The following RAD23A variants were observed in gnomAD, a reference collection of about 807,000 sequenced individuals.
The protein encoded by RAD23A is lysine-specific demethylase RAD23A.
Under a neutral mutation model 44.8 loss-of-function variants are expected in RAD23A, and 16 were observed. The observed-to-expected ratio is 0.36, with a 90% CI of 0.24 to 0.54. The LOEUF is 0.54. RAD23A is among the 20% of genes least tolerant of loss of function. The probability of loss-of-function intolerance (pLI) is 0.89; values close to 1 mark genes in which losing one functional copy is unlikely to be tolerated. For synonymous variants in RAD23A, 217 were observed against 202.9 expected (o/e 1.07, Z -0.59); for missense variants, 380 against 483.3 (o/e 0.79, Z 2.00).
At chr19:12,950,891 T>C (rs1376096710) in intron 7 of RAD23A, among the ~76,000 whole-genome samples, 1 of 152,054 alleles carries the variant, frequency 6.6e-6, no homozygotes, top group Non-Finnish European at 1.5e-5. Context: ...TGGCAAAAAC[T>C]CGTCTCTACT....
At position 12,953,202 on chromosome 19, in the gene RAD23A, C is replaced by A; in HGVS notation, c.*153C>A. ...ACAAGCAAACAGTCCAGCTTCCTGT[C>A]CTCCTAAAGTGGCCCCTGTTCCCAT... On this transcript the variant is annotated 3_prime_UTR_variant, in exon 9 of 9. Transcript: ENST00000586534. The A allele has an allele frequency of 1.8e-6, 1 of 563,002 alleles. No individual in the cohort carries two copies. Among genetic ancestry groups the A allele is most frequent in the Admixed American group, 3.7e-5 (1 of 27,198 alleles). 34.9% of individuals were successfully genotyped at this position (563,002 alleles called of 1,614,324 possible). A position where few individuals can be genotyped will look rare whatever the true frequency, so the allele number is the denominator to read the frequency against.
At position 12,949,364 on chromosome 19, in the gene RAD23A, G is replaced by T. The variant is rs750711569; in HGVS notation, c.769G>T (p.Ala257Ser). The T allele has an allele frequency of 1.2e-6, 2 of 1,614,030 alleles. No homozygotes were observed. The highest frequency in any genetic ancestry group is 1.7e-6 in the Non-Finnish European group (2 of 1,179,916). The stretch of plus-strand genomic sequence containing the variant: ...TCAGCAGAACCCTGCGCTGCTGCCC[G>T]CCCTGCTCCAGCAGCTGGGCCAGGA... The part of the protein sequence containing the change: ...VIQQNPALLP[A>S]LLQQLGQENP... The change falls in exon 7 of 9, where the codon GCC becomes TCC. Residue 257 changes from alanine (A) to serine (S), a missense_variant. Physicochemically the swap from Ala to Ser is moderately conservative, Grantham distance 99. Transcript: ENST00000586534.
At chr19:12,947,445 A>C (rs909497863) in intron 1 of RAD23A, among the ~76,000 whole-genome samples, 1 of 152,202 alleles carries the variant, frequency 6.6e-6, no homozygotes, top group African/African-American at 2.4e-5. Context: ...AAATATCACT[A>C]TTAACTATTA....
rs1170061503 is a variant in RAD23A at position 12,948,138 on chromosome 19, G to C, written c.235-39G>C. The C allele has an allele frequency of 1.2e-6, 2 of 1,613,128 alleles. No homozygotes were observed. Among genetic ancestry groups the C allele is most frequent in the East Asian group, 2.2e-5 (1 of 44,872 alleles). ...GCGGAGCGGGTTGTTGGGTCTGATAGGGTTGCTGATGCCAGCTCCCTTTTT... is the reference window on the plus strand; with the variant it reads ...GCGGAGCGGGTTGTTGGGTCTGATACGGTTGCTGATGCCAGCTCCCTTTTT... On this transcript the variant is annotated intron_variant, in intron 2 of 8. Coordinates refer to ENST00000586534, the MANE Select transcript of RAD23A (RefSeq NM_005053.4). This position sits in a 1 kb window ranked among gnomAD's most constrained non-coding sequence, Gnocchi z 5.5.
In RAD23A at chr19:12,952,389, A is replaced by T. The variant is rs1971837164; in HGVS notation, c.814-300A>T. The T allele has an allele frequency of 1.9e-5, 5 of 269,230 alleles. No homozygotes were observed. In the South Asian group the frequency reaches 2.6e-4, roughly 14 times the overall value. 16.7% of individuals were successfully genotyped at this position (269,230 alleles called of 1,614,324 possible). A position where few individuals can be genotyped will look rare whatever the true frequency, so the allele number is the denominator to read the frequency against. ...GTATTCTTAGTAGAGATGGGGGTTC[A>T]CCATGTTGGCCAGGCTGGACTCGAA... On this transcript the variant is annotated intron_variant, in intron 7 of 8. Transcript: ENST00000586534.
In RAD23A at chr19:12,948,678, C is replaced by T. The variant is rs1481003118; in HGVS notation, c.473-8C>T. ...CTGGTGACCTAGGCTTTGCTGCTTCCTCCACAGTGACGGGCTCTGAGTATG... is the reference window on the plus strand; with the variant it reads ...CTGGTGACCTAGGCTTTGCTGCTTCTTCCACAGTGACGGGCTCTGAGTATG... On this transcript the variant is annotated splice_region_variant and splice_polypyrimidine_tract_variant and intron_variant, in intron 4 of 8. Coordinates refer to ENST00000586534, the MANE Select transcript of RAD23A (RefSeq NM_005053.4). The surrounding 1 kb of genome is among the most constrained non-coding windows in gnomAD (Gnocchi z 5.5). The T allele has an allele frequency of 6.2e-7, 1 of 1,609,988 alleles. No homozygotes were observed. The highest frequency in any genetic ancestry group is 1.7e-5 in the Admixed American group (1 of 59,270).
Position 12,948,393 on chromosome 19 carries a change from G to C in RAD23A, c.416+35G>C. The stretch of plus-strand genomic sequence containing the variant: ...GGGCAGCAGTCCCAGCTTGGGCCCT[G>C]TCCTCCTAGCACATTCCAGCGTCCA... On this transcript the variant is annotated intron_variant, in intron 3 of 8. Coordinates refer to ENST00000586534, the MANE Select transcript of RAD23A (RefSeq NM_005053.4). The surrounding 1 kb of genome is among the most constrained non-coding windows in gnomAD (Gnocchi z 5.5). The C allele has an allele frequency of 6.4e-7, 1 of 1,555,148 alleles. No individual in the cohort carries two copies. Among genetic ancestry groups the C allele is most frequent in the Non-Finnish European group, 8.7e-7 (1 of 1,149,370 alleles).
Position 12,953,217 on chromosome 19 carries a change from CCT to C in RAD23A, c.*169_*170del, listed in dbSNP as rs1039726753. 1.6e-5 allele frequency: 8 copies of C among 494,164 alleles called. No homozygotes were observed. The East Asian group carries it at 1.7e-4, about 11-fold the overall frequency. The allele number at this position is 494,164 out of a possible 1,614,324, so 30.6% of individuals were successfully genotyped here. Reference sequence around the variant, plus strand: ...AGCTTCCTGTCCTCCTAAAGTGGCCCCTGTTCCCATCTCCCGGGCCAGACAGC... The same window carrying C: ...AGCTTCCTGTCCTCCTAAAGTGGCCCGTTCCCATCTCCCGGGCCAGACAGC... On this transcript the variant is annotated 3_prime_UTR_variant, in exon 9 of 9. Coordinates refer to ENST00000586534, the MANE Select transcript of RAD23A (RefSeq NM_005053.4).
intron 7 of RAD23A, among the ~76,000 whole-genome samples, chr19:12,951,238 A>T (rs1971803234): frequency 6.6e-6 from 1 of 151,336 alleles, no homozygotes; most frequent in Non-Finnish European, 1.5e-5. Context: ...TTGCCTCCCA[A>T]ATTGTTGAGG....
chr19:12,948,733 G>C lies in RAD23A; in HGVS notation c.520G>C (p.Gly174Arg). ...GATGCTGACGGAGATCATGTCCATG[G>C]GCTATGAGCGAGAGCGGGTCGTGGC... Reference protein sequence around the residue: ...ETMLTEIMSMGYERERVVAAL... With the variant: ...ETMLTEIMSMRYERERVVAAL... The change falls in exon 5 of 9, where the codon GGC becomes CGC. Residue 174 changes from glycine (G) to arginine (R), a missense_variant. Gly to Arg is a moderately radical substitution (Grantham distance 125). Coordinates refer to ENST00000586534, the MANE Select transcript of RAD23A (RefSeq NM_005053.4). The surrounding 1 kb of genome is among the most constrained non-coding windows in gnomAD (Gnocchi z 5.5). The C allele has an allele frequency of 6.2e-7, 1 of 1,613,706 alleles. No individual in the cohort carries two copies.
intron 1 of RAD23A, 64 bp downstream of exon 1, chr19:12,946,084 G>GGGGGGGGGGGGGGGGGGGGC: frequency 1.4e-5 from 7 of 512,138 alleles, no homozygotes; most frequent in East Asian, 5.5e-5. Flanking sequence ...TGGGGGCGGG[G>GGGGGGGGGGGGGGGGGGGGC]AGGCTAGAAT....
Position 12,946,981 on chromosome 19 carries a change from C to G in RAD23A, c.73-867C>G, listed in dbSNP as rs543858188. ...CTTAGGGAGGCAGAGGGAAGAGGAG[C>G]CCTTGAGCCTAGGAATTCGAGATCA... On this transcript the variant is annotated intron_variant, in intron 1 of 8. Coordinates refer to ENST00000586534, the MANE Select transcript of RAD23A (RefSeq NM_005053.4). Among the ~76,000 whole-genome samples, 188 of 152,204 alleles carry G rather than the reference C, an allele frequency of 1.2e-3. 2 individuals carry two copies. The highest frequency in any genetic ancestry group is 4.3e-3 in the African/African-American group (179 of 41,536).
intron 1 of RAD23A, 49 bp downstream of exon 1, chr19:12,946,069 T>TGGGGGGGGGGGGGGGGGGG: frequency 5.8e-6 from 1 of 171,598 alleles, no homozygotes; most frequent in African/African-American, 9.2e-5. Context: ...GTTTCGGGGG[T>TGGGGGGGGGGGGGGGGGGG]GGGGTGGGGG....
rs371116567 is a variant in RAD23A at position 12,953,150 on chromosome 19, GA to G, written c.*110del. The G allele has an allele frequency of 7.3e-4, 579 of 791,854 alleles. 4 individuals are homozygous for G. In the African/African-American group the frequency reaches 8.1e-3, roughly 11 times the overall value. The allele number at this position is 791,854 out of a possible 1,614,324, so 49.1% of individuals were successfully genotyped here. ...TATATTCATGTTTATTTAAGAAATG[GA>G]AAAAAAAATCAAAAATCTTAAAAAA... On this transcript the variant is annotated 3_prime_UTR_variant, in exon 9 of 9. Transcript: ENST00000586534.
In RAD23A at chr19:12,948,757, G is replaced by T; in HGVS notation, c.544G>T (p.Ala182Ser). 1 of 1,613,516 alleles carries T rather than the reference G, an allele frequency of 6.2e-7. No individual in the cohort carries two copies. Among genetic ancestry groups the T allele is most frequent in the South Asian group, 1.1e-5 (1 of 91,076 alleles). ...SMGYERERVV[A>S]ALRASYNNPH... ...GGGCTATGAGCGAGAGCGGGTCGTG[G>T]CCGCCCTGAGAGCCAGCTACAACAA... is the stretch of plus-strand genomic sequence containing the variant. Residue 182 changes from alanine (A) to serine (S), a missense_variant, in exon 5 of 9, where the codon GCC becomes TCC. By Grantham distance (99) the Ala-to-Ser change is moderately conservative. Around this residue, in one of 3 missense-constraint regions of RAD23A, gnomAD observed 279 missense variants for 313.7 expected, o/e 0.89. Transcript: ENST00000586534. The surrounding 1 kb of genome is among the most constrained non-coding windows in gnomAD (Gnocchi z 5.5).
chr19:12,949,374 A>G lies in RAD23A; in HGVS notation c.779A>G (p.Gln260Arg), dbSNP rs758684522. 1 of 1,614,010 alleles carries G rather than the reference A, an allele frequency of 6.2e-7. No homozygotes were observed. The highest frequency in any genetic ancestry group is 8.5e-7 in the Non-Finnish European group (1 of 1,179,876). Residue 260 changes from glutamine (Q) to arginine (R), a missense_variant, in exon 7 of 9, where the codon CAG becomes CGG. Transcript: ENST00000586534. ...QNPALLPALL[Q>R]QLGQENPQLL... The stretch of plus-strand genomic sequence containing the variant: ...CCTGCGCTGCTGCCCGCCCTGCTCC[A>G]GCAGCTGGGCCAGGAGAACCCTCAG...
intron 7 of RAD23A, among the ~76,000 whole-genome samples, chr19:12,951,347 CT>C (rs1486029777): frequency 2.0e-5 from 3 of 152,226 alleles, no homozygotes; most frequent in Non-Finnish European, 4.4e-5. Context: ...TGGCTTCCCC[CT>C]GCTCTAGAAA....
In RAD23A at chr19:12,948,263, C is replaced by T. The variant is rs201616818; in HGVS notation, c.321C>T (p.Pro107=). Residue 107 remains proline (P), a synonymous_variant, in exon 3 of 9, where the codon CCC becomes CCT. Coordinates refer to ENST00000586534, the MANE Select transcript of RAD23A (RefSeq NM_005053.4). This position sits in a 1 kb window ranked among gnomAD's most constrained non-coding sequence, Gnocchi z 5.5. ...PESSTSFPPA[P]TSGMSHPPPA... ...CCTCTACATCCTTCCCGCCTGCCCC[C>T]ACCTCAGGCATGTCCCATCCCCCAC... is the stretch of plus-strand genomic sequence containing the variant. 52 of 1,613,660 alleles carry T rather than the reference C, an allele frequency of 3.2e-5. No individual in the cohort carries two copies. In the African/African-American group the frequency reaches 5.1e-4, roughly 16 times the overall value.
intron 7 of RAD23A, among the ~76,000 whole-genome samples, chr19:12,949,738 G>A (rs964809497): frequency 6.6e-6 from 1 of 152,136 alleles, no homozygotes; most frequent in Admixed American, 6.5e-5. Context: ...TGGGGCTCTG[G>A]CTTCACATAC....
Sources: gnomAD v4.1 joint callset for allele counts (sites outside exome capture counted in the v4.1 genomes callset) on GRCh38, gnomAD v4.1.1 for gene constraint, gnomAD v4.1.1 regional missense constraint, Gnocchi (gnomAD v3.1) non-coding constraint, MANE v1.5 for transcripts, NCBI Gene and HGNC (gene_info 2026-07-23, HGNC 2026-07-21) for gene names.